Variants in HNRNPH1 observed in about 807,000 individuals in gnomAD.
HNRNPH1 encodes the protein heterogeneous nuclear ribonucleoprotein H.
HNRNPH1 carries 4 observed loss-of-function variants against 58.6 expected under a neutral mutation model. The ratio of observed to expected loss-of-function variants is 0.07; its 90% CI spans 0.03 to 0.16. The LOEUF (loss-of-function observed/expected upper bound fraction) is 0.16. Among genes scored for constraint, HNRNPH1 ranks in the 10% least tolerant of loss-of-function variants. The pLI, the probability that HNRNPH1 is intolerant of heterozygous loss-of-function variation, is 1.00. For missense variants in HNRNPH1, 271 were observed against 564.2 expected (o/e 0.48, Z 5.26); for synonymous variants, 192 against 189.2 (o/e 1.01, Z -0.12).
At chr5:179,621,646 T>G in intron 1 of HNRNPH1, 1 of 522,014 alleles carries the variant, frequency 1.9e-6, no homozygotes, top group Non-Finnish European at 3.4e-6. Context: ...ATTTATCTCT[T>G]TAGTCCTTGC....
At chr5:179,626,454 A>G (rs1268187160), upstream of HNRNPH1, among the ~76,000 whole-genome samples, 1 of 149,830 alleles carries the variant, frequency 6.7e-6, no homozygotes, top group East Asian at 2.1e-4. Context: ...CGTGGGGCTC[A>G]TGCCTGTAAT....
At chr5:179,621,491 AT>A (rs1453221960) in intron 1 of HNRNPH1, 94 bp from the exon 3 acceptor site, 3 of 1,051,062 alleles carry the variant, frequency 2.9e-6, no homozygotes, top group Non-Finnish European at 4.3e-6. Flanking sequence ...CCCACTACAA[AT>A]TACATAACTT....
chr5:179,614,585 A>T, exon 13 of HNRNPH1: 1 of 297,938 alleles, frequency 3.4e-6, no homozygotes, highest in Non-Finnish European at 6.4e-6. Context: ...GCTTAAGTAC[A>T]TCCTATAACT....
chr5:179,618,323 C>T lies in HNRNPH1; in HGVS notation c.537G>A (p.Arg179=), dbSNP rs760132687. The T allele has an allele frequency of 1.6e-5, 26 of 1,603,322 alleles. No homozygotes were observed. Among genetic ancestry groups the T allele is most frequent in the South Asian group, 6.7e-5 (6 of 89,646 alleles). ...TACTGCTCTTAAAGATTTCAATATA[C>T]CTAAAGCATTGTTCATAAGGAAGGG... The change falls in exon 5 of 13, where the codon AGG becomes AGA. Residue 179 remains arginine, a splice_region_variant and synonymous_variant. Transcript: ENST00000356731.
At chr5:179,625,538 A>G (rs1774309810), upstream of HNRNPH1, among the ~76,000 whole-genome samples, 1 of 151,506 alleles carries the variant, frequency 6.6e-6, no homozygotes, top group Admixed American at 6.6e-5. Flanking sequence ...CATGCCTGTA[A>G]TCCCAACCAC....
rs967666466 is a variant in HNRNPH1, at chr5:179,617,218, G to C, written c.1058-108C>G. The C allele has an allele frequency of 8.1e-6, 9 of 1,112,584 alleles. No individual in the cohort carries two copies. In the Admixed American group the frequency reaches 2.1e-4, roughly 26 times the overall value. 68.9% of individuals were successfully genotyped at this position (1,112,584 alleles called of 1,614,324 possible). On this transcript the variant is annotated intron_variant, in intron 8 of 12. Coordinates refer to ENST00000356731, the Ensembl canonical transcript of HNRNPH1. ...CAGATCTGTGAACTTCAAATACTTT[G>C]GCAAAGAAATTCTAGCTACTTCTCT...
At chr5:179,622,567 C>T (rs1331617163) in intron 1 of HNRNPH1, among the ~76,000 whole-genome samples, 2 of 152,094 alleles carry the variant, frequency 1.3e-5, no homozygotes, top group African/African-American at 4.8e-5. Flanking sequence ...AAAAATTAGC[C>T]GGGCGTGGCG....
upstream of HNRNPH1, chr5:179,629,092 T>G (rs1170455624): frequency 1.8e-4 from 26 of 148,356 alleles, no homozygotes; most frequent in African/African-American, 4.9e-4. Context: ...GGTCAGCAGA[T>G]CGAGACCATC....
chr5:179,628,076 G>A (rs1774535309), upstream of HNRNPH1, among the ~76,000 whole-genome samples: 1 of 152,058 alleles, frequency 6.6e-6, no homozygotes, highest in Non-Finnish European at 1.5e-5. Flanking sequence ...ATCCACCTTA[G>A]CCTCCCAAAG....
intron 3 of HNRNPH1, among the ~76,000 whole-genome samples, chr5:179,620,496 T>TA (rs1266645377): frequency 7.9e-5 from 12 of 152,216 alleles, no homozygotes; most frequent in Non-Finnish European, 1.8e-4. Context: ...ATGACCCAAA[T>TA]ACGTGTCTCT....
rs1039787983 is a variant in HNRNPH1, at chr5:179,619,528, T to C, written c.398-121A>G. The C allele has an allele frequency of 1.9e-5, 15 of 775,736 alleles. No homozygotes were observed. In the African/African-American group the frequency reaches 2.4e-4, roughly 13 times the overall value. 48.1% of individuals were successfully genotyped at this position (775,736 alleles called of 1,614,324 possible). A position where few individuals can be genotyped will look rare whatever the true frequency, so the allele number is the denominator to read the frequency against. On this transcript the variant is annotated intron_variant, in intron 3 of 12. Transcript: ENST00000356731. ...TTTAACTTTAGGTGAATGGTATGCT[T>C]TCAACAAGTACTCTTTAAATATGCA...
chr5:179,630,630 G>C (rs904432229), intron 2 of HNRNPH1, among the ~76,000 whole-genome samples: 1 of 151,614 alleles, frequency 6.6e-6, no homozygotes, highest in Non-Finnish European at 1.5e-5. Context: ...CATACATTTC[G>C]GCCTGACGCG....
exon 1 of HNRNPH1, chr5:179,624,556 TG>T (rs1774167378): frequency 7.5e-6 from 3 of 398,580 alleles, no homozygotes; most frequent in South Asian, 2.5e-4. Flanking sequence ...AGAGCAGAAT[TG>T]GTAAGAGTGC....
rs770189473 is a variant in HNRNPH1, at chr5:179,618,278, A to G, written c.582T>C (p.His194=). 1.9e-4 allele frequency: 303 copies of G among 1,613,940 alleles called. 3 individuals carry two copies. The South Asian group carries it at 2.8e-3, about 15-fold the overall frequency. ...CCATAAGCTTTCGTGGTGGATCATA[A>G]TGAGTTCTAACTTCAGCTCTACTGC... Residue 194 remains histidine, a synonymous_variant, in exon 5 of 13, where the codon CAT becomes CAC. Coordinates refer to ENST00000356731, the Ensembl canonical transcript of HNRNPH1.
At chr5:179,623,311 G>A (rs1773642027) in exon 1 of HNRNPH1, 2 of 468,270 alleles carry the variant, frequency 4.3e-6, no homozygotes, top group South Asian at 2.0e-5. Flanking sequence ...CTCGTCCGGC[G>A]ACCGGACCCC....
At chr5:179,630,045 C>T (rs753810322) in intron 2 of HNRNPH1, among the ~76,000 whole-genome samples, 41 of 150,062 alleles carry the variant, frequency 2.7e-4, no homozygotes, top group Admixed American at 7.4e-4. Flanking sequence ...AAAACAGAAC[C>T]CTGAGATTTG....
At chr5:179,631,221 G>A (rs548412410) in intron 2 of HNRNPH1, among the ~76,000 whole-genome samples, 1 of 152,030 alleles carries the variant, frequency 6.6e-6, no homozygotes, top group Non-Finnish European at 1.5e-5. Flanking sequence ...ATACGTTACG[G>A]TATATCTATG....
At chr5:179,614,983 G>T (rs1330232568) in intron 12 of HNRNPH1, 24 bp from the exon 14 acceptor site, 3 of 1,334,198 alleles carry the variant, frequency 2.2e-6, no homozygotes, top group Admixed American at 3.9e-5. Context: ...AATTTGACAA[G>T]TTAGGAGTAA....
chr5:179,619,750 A>T (rs2127655020), intron 3 of HNRNPH1: 1 of 164,320 alleles, frequency 6.1e-6, no homozygotes, highest in Non-Finnish European at 1.3e-5. Flanking sequence ...CAGTTTTACT[A>T]AATTCAAAAC....
Sources: gnomAD v4.1 joint callset for allele counts (sites outside exome capture counted in the v4.1 genomes callset) on GRCh38, gnomAD v4.1.1 for gene constraint, MANE v1.5 for transcripts, NCBI Gene and HGNC (gene_info 2026-07-23, HGNC 2026-07-21) for gene names.